Variants in MECOM observed in about 807,000 individuals in gnomAD.
The protein encoded by MECOM is MDS1 and EVI1 complex locus, also known as histone-lysine N-methyltransferase MECOM.
A neutral mutation model predicts 116.3 loss-of-function variants in MECOM; 13 were observed. The observed-to-expected ratio is 0.11, with a 90% CI of 0.07 to 0.18. The LOEUF is 0.18. Among genes scored for constraint, MECOM ranks in the 10% least tolerant of loss-of-function variants. The pLI is 1.00. For missense variants in MECOM, 1,299 were observed against 1,509.0 expected, an observed-to-expected ratio of 0.86 and a Z score of 2.31; for synonymous variants, 528 against 535.2, an observed-to-expected ratio of 0.99 and a Z score of 0.19.
intron 1 of MECOM, among the ~76,000 whole-genome samples, chr3:169,575,106 T>C (rs1764336995): frequency 6.6e-6 from 1 of 152,016 alleles, no homozygotes. Flanking sequence ...AAGGGAAAAA[T>C]ATACCTGTTG....
At chr3:169,095,418 C>A (rs1721154957) in intron 12 of MECOM, among the ~76,000 whole-genome samples, 173 bp from the exon 13 acceptor site, 1 of 152,096 alleles carries the variant, frequency 6.6e-6, no homozygotes. Context: ...ACTCTGATTG[C>A]TTTAAAGACT....
chr3:169,250,419 T>C (rs1165313779), intron 2 of MECOM, among the ~76,000 whole-genome samples: 2 of 152,250 alleles, frequency 1.3e-5, no homozygotes, highest in Non-Finnish European at 2.9e-5. Context: ...GGAACCCGCA[T>C]ACCAAGTGAA....
chr3:169,242,157 A>G (rs1041506994), intron 2 of MECOM, among the ~76,000 whole-genome samples: 13 of 152,206 alleles, frequency 8.5e-5, no homozygotes, highest in South Asian at 2.1e-4. Flanking sequence ...TAGTTAATTT[A>G]GAAGTAAATG....
At chr3:169,244,349 A>G (rs1287303997) in intron 2 of MECOM, among the ~76,000 whole-genome samples, 1 of 152,224 alleles carries the variant, frequency 6.6e-6, no homozygotes, top group Non-Finnish European at 1.5e-5. Context: ...GTGCTGTGGC[A>G]TGCACAAGTT....
intron 2 of MECOM, among the ~76,000 whole-genome samples, chr3:169,171,159 C>A (rs1377866054): frequency 6.6e-6 from 1 of 152,018 alleles, no homozygotes; most frequent in African/African-American, 2.4e-5. Flanking sequence ...TCAGAAAATA[C>A]CTTTTGTGGC....
chr3:169,605,071 G>A (rs781561793), intron 1 of MECOM, among the ~76,000 whole-genome samples: 6 of 152,208 alleles, frequency 3.9e-5, no homozygotes, highest in South Asian at 2.1e-4. Flanking sequence ...AACATTATAC[G>A]GATGGAAGGT....
At chr3:169,377,718 TTGG>T (rs1731279991) in intron 2 of MECOM, among the ~76,000 whole-genome samples, 2 of 152,204 alleles carry the variant, frequency 1.3e-5, no homozygotes, top group African/African-American at 4.8e-5. Context: ...TTTTACACTG[TTGG>T]TGGGAGTATA....
chr3:169,350,048 A>G (rs2149804742), intron 2 of MECOM, among the ~76,000 whole-genome samples: 1 of 152,140 alleles, frequency 6.6e-6, no homozygotes, highest in South Asian at 2.1e-4. Context: ...CAGTTTATGC[A>G]AGAATCTTAA....
At chr3:169,255,075 T>G (rs1756703460) in intron 2 of MECOM, among the ~76,000 whole-genome samples, 2 of 152,162 alleles carry the variant, frequency 1.3e-5, no homozygotes, top group South Asian at 4.1e-4. Context: ...ATAATCCAAT[T>G]CCTTCAGGTT....
At chr3:169,465,332 T>A (rs1162824344) in intron 1 of MECOM, among the ~76,000 whole-genome samples, 1 of 152,216 alleles carries the variant, frequency 6.6e-6, no homozygotes, top group African/African-American at 2.4e-5. Context: ...ATCTGTTTCC[T>A]AGTATTGTTA....
At chr3:169,102,727 A>G (rs1239187734) in intron 10 of MECOM, among the ~76,000 whole-genome samples, 1 of 152,176 alleles carries the variant, frequency 6.6e-6, no homozygotes, top group Non-Finnish European at 1.5e-5. Flanking sequence ...AATATGGGTA[A>G]CTCAGAAAGA....
At chr3:169,348,650 G>T (rs1214055114) in intron 2 of MECOM, among the ~76,000 whole-genome samples, 1 of 151,924 alleles carries the variant, frequency 6.6e-6, no homozygotes, top group Non-Finnish European at 1.5e-5. Context: ...TTTATATGTA[G>T]ACTTCCTTGC....
intron 2 of MECOM, among the ~76,000 whole-genome samples, chr3:169,290,293 TTGTA>T (rs1477328724): frequency 6.6e-6 from 1 of 152,102 alleles, no homozygotes; most frequent in Admixed American, 6.6e-5. Flanking sequence ...CAAGGTTAAT[TTGTA>T]TGTTTAAAGA....
chr3:169,263,106 TATATATATATATATATATA>T (rs1560060901), intron 2 of MECOM, among the ~76,000 whole-genome samples: 4 of 99,384 alleles, frequency 4.0e-5, no homozygotes, highest in African/African-American at 2.1e-4. Flanking sequence ...TATATATATA[TATATATATATATATATATA>T]TATGTTTTTT....
chr3:169,083,866 A>AT lies in MECOM; in HGVS notation c.*1042dup. The AT allele has an allele frequency of 4.6e-6, 1 of 219,160 alleles. No individual in the cohort carries two copies. Among genetic ancestry groups the AT allele is most frequent in the Middle Eastern group, 1.4e-3 (1 of 714 alleles). The allele number at this position is 219,160 out of a possible 1,614,324, so 13.6% of individuals were successfully genotyped here. On this transcript the variant is annotated 3_prime_UTR_variant, in exon 17 of 17. Coordinates refer to ENST00000651503, the MANE Select transcript of MECOM (RefSeq NM_004991.4). The stretch of plus-strand genomic sequence containing the variant: ...GAAAGAAATTATAATCGTTTATACA[A>AT]TTGAATCGATTTCAGTATTACAAAA...
intron 2 of MECOM, among the ~76,000 whole-genome samples, chr3:169,230,641 C>A (rs1560021579): frequency 6.6e-6 from 1 of 152,082 alleles, no homozygotes. Flanking sequence ...CTGAAAGAAC[C>A]CACAGCAGTA....
chr3:169,624,016 T>G (rs1771062658), intron 1 of MECOM: 1 of 152,236 alleles, frequency 6.6e-6, no homozygotes, highest in South Asian at 2.1e-4. Context: ...TCTATTATGC[T>G]ATGTACTTCA....
intron 2 of MECOM, among the ~76,000 whole-genome samples, chr3:169,371,505 T>C (rs1047330744): frequency 2.4e-5 from 3 of 124,900 alleles, no homozygotes; most frequent in African/African-American, 1.1e-4. Context: ...AGATCTTAAG[T>C]ATTTTCACTA....
chr3:169,578,631 TAA>T (rs1764773641), intron 1 of MECOM, among the ~76,000 whole-genome samples: 1 of 152,186 alleles, frequency 6.6e-6, no homozygotes. Context: ...TAGAGTAGCC[TAA>T]GTTAAACCAA....
Sources: allele counts gnomAD v4.1 joint callset (sites outside exome capture counted in the v4.1 genomes callset), GRCh38; gene constraint gnomAD v4.1.1; transcripts MANE v1.5; gene names NCBI Gene and HGNC (gene_info 2026-07-23, HGNC 2026-07-21).